LAT: variants seen among roughly 807,000 people sequenced by gnomAD.
LAT encodes linker for activation of T cells.
In LAT, 12 loss-of-function variants were observed where a neutral mutation model predicts 39.1. That is an observed-to-expected ratio of 0.31 (90% CI 0.20 to 0.50). LAT has a LOEUF of 0.50. Among genes scored for constraint, LAT ranks in the 20% least tolerant of loss-of-function variants. The pLI is 0.98. For missense variants in LAT, 253 were observed against 308.0 expected (o/e 0.82, Z 1.34); for synonymous variants, 117 against 123.8 (o/e 0.95, Z 0.36).
Position 28,985,306 on chromosome 16 carries a change from ACCTGCCCCCTGCTCCCTGCCGGGT to A in LAT, c.-109_-86del. On this transcript the variant is annotated 5_prime_UTR_variant, in exon 1 of 12. Transcript: ENST00000395456. This position sits in a 1 kb window ranked among gnomAD's most constrained non-coding sequence, Gnocchi z 4.6. ...CGGGCTCCCCTGCCACCTGGTGCCT[ACCTGCCCCCTGCTCCCTGCCGGGT>A]CCGGTCCTCACCCCATCTTCATCTG... is the stretch of plus-strand genomic sequence containing the variant. The A allele has an allele frequency of 6.6e-7, 1 of 1,516,750 alleles. No individual in the cohort carries two copies. Among genetic ancestry groups the A allele is most frequent in the Non-Finnish European group, 8.8e-7 (1 of 1,131,314 alleles). The allele number at this position is 1,516,750 out of a possible 1,614,324, so 94.0% of individuals were successfully genotyped here.
Position 28,986,530 on chromosome 16 carries a change from C to G in LAT, c.311-10C>G, listed in dbSNP as rs974059111. ...GCTGACTTAGTCTCCCTCTCACCCT[C>G]TCTTTGAAGCCAACAGTGTGGCGAG... On this transcript the variant is annotated splice_polypyrimidine_tract_variant and intron_variant, in intron 5 of 11. Coordinates refer to ENST00000395456, the MANE Select transcript of LAT (RefSeq NM_001014987.2). This position sits in a 1 kb window ranked among gnomAD's most constrained non-coding sequence, Gnocchi z 5.7. 1.2e-6 allele frequency: 2 copies of G among 1,609,990 alleles called. No individual in the cohort carries two copies. The highest frequency in any genetic ancestry group is 1.1e-5 in the South Asian group (1 of 90,896).
chr16:28,985,700 C>T lies in LAT; in HGVS notation c.101-13C>T, dbSNP rs1179254525. On this transcript the variant is annotated splice_polypyrimidine_tract_variant and intron_variant, in intron 1 of 11. Coordinates refer to ENST00000395456, the MANE Select transcript of LAT (RefSeq NM_001014987.2). This position sits in a 1 kb window ranked among gnomAD's most constrained non-coding sequence, Gnocchi z 4.6. Reference sequence around the variant, plus strand: ...ACCCCCTGTTCCTGCCTCACCAGCCCTCTCTTTCCCAGGCTCCTACGACAG... The same window carrying T: ...ACCCCCTGTTCCTGCCTCACCAGCCTTCTCTTTCCCAGGCTCCTACGACAG... 6.2e-7 allele frequency: 1 copy of T among 1,613,820 alleles called. No homozygotes were observed. The highest frequency in any genetic ancestry group is 8.5e-7 in the Non-Finnish European group (1 of 1,179,914).
chr16:28,985,590 GTGTC>G lies in LAT; in HGVS notation c.100+78_100+81del. 1 of 1,602,070 alleles carries G rather than the reference GTGTC, an allele frequency of 6.2e-7. No individual in the cohort carries two copies. Among genetic ancestry groups the G allele is most frequent in the South Asian group, 1.1e-5 (1 of 90,520 alleles). On this transcript the variant is annotated intron_variant, in intron 1 of 11. Transcript: ENST00000395456. This position sits in a 1 kb window ranked among gnomAD's most constrained non-coding sequence, Gnocchi z 4.6. ...GGATCCTCATCCACTCCCAGCCCCT[GTGTC>G]TGTCCTGGCTCTGTCCCTGCCTCCG...
chr16:28,985,067 A>G lies in LAT; in HGVS notation c.-351A>G. 1 of 1,422,018 alleles carries G rather than the reference A, an allele frequency of 7.0e-7. No homozygotes were observed. The highest frequency in any genetic ancestry group is 9.2e-7 in the Non-Finnish European group (1 of 1,091,502). The allele number at this position is 1,422,018 out of a possible 1,614,324, so 88.1% of individuals were successfully genotyped here. A position where few individuals can be genotyped will look rare whatever the true frequency, so the allele number is the denominator to read the frequency against. Reference sequence around the variant, plus strand: ...GGCGCTCACCACAGCTTCCTGCCGCAGGCGGGCGGGAGGGCGGGCACGGAG... The same window carrying G: ...GGCGCTCACCACAGCTTCCTGCCGCGGGCGGGCGGGAGGGCGGGCACGGAG... On this transcript the variant is annotated 5_prime_UTR_variant, in exon 1 of 12. Coordinates refer to ENST00000395456, the MANE Select transcript of LAT (RefSeq NM_001014987.2). The surrounding 1 kb of genome is among the most constrained non-coding windows in gnomAD (Gnocchi z 4.6).
chr16:28,989,394 G>T, intron 8 of LAT, 133 bp from the exon 9 acceptor site: 2 of 717,862 alleles, frequency 2.8e-6, no homozygotes, highest in Non-Finnish European at 4.8e-6. Flanking sequence ...TGGGGCTAAT[G>T]GGGGTGGCTG....
In LAT at chr16:28,986,636, C is replaced by T. The variant is rs749776309; in HGVS notation, c.341-21C>T. On this transcript the variant is annotated intron_variant, in intron 6 of 11. Coordinates refer to ENST00000395456, the MANE Select transcript of LAT (RefSeq NM_001014987.2). The surrounding 1 kb of genome is among the most constrained non-coding windows in gnomAD (Gnocchi z 5.7). ...TGGGGTCCGTCCTGGACTAGGCTGA[C>T]CCCTGTGTCGTTACCCCCAGAACCA... 1.1e-4 allele frequency: 184 copies of T among 1,613,910 alleles called. No individual in the cohort carries two copies. The highest frequency in any genetic ancestry group is 1.6e-4 in the Non-Finnish European group (183 of 1,179,980).
At chr16:28,984,804 T>C, upstream of LAT, 1 of 1,499,028 alleles carries the variant, frequency 6.7e-7, no homozygotes, top group Non-Finnish European at 9.1e-7. Context: ...CTGCCCTTTG[T>C]ACCCCAGAAT....
At chr16:28,987,195 C>A (rs1965779733) in intron 8 of LAT, among the ~76,000 whole-genome samples, 1 of 152,242 alleles carries the variant, frequency 6.6e-6, no homozygotes, top group Non-Finnish European at 1.5e-5. Context: ...TAGGCGTGAG[C>A]CACCATGCCC....
In LAT at chr16:28,986,792, C is replaced by T; in HGVS notation, c.399-7C>T. 1 of 1,613,610 alleles carries T rather than the reference C, an allele frequency of 6.2e-7. No individual in the cohort carries two copies. Among genetic ancestry groups the T allele is most frequent in the East Asian group, 2.2e-5 (1 of 44,876 alleles). ...CTTGCTCACCGGCCCTTTTCACTTC[C>T]TTTCAGGGTGGTGCTTCCTGACAGC... On this transcript the variant is annotated splice_region_variant and splice_polypyrimidine_tract_variant and intron_variant, in intron 7 of 11. Transcript: ENST00000395456. This position sits in a 1 kb window ranked among gnomAD's most constrained non-coding sequence, Gnocchi z 5.7.
intron 8 of LAT, among the ~76,000 whole-genome samples, chr16:28,987,257 G>T (rs895198466): frequency 6.6e-6 from 1 of 152,056 alleles, no homozygotes; most frequent in Non-Finnish European, 1.5e-5. Context: ...TCCTATCTCT[G>T]TGTCCTTTCC....
At position 28,985,483 on chromosome 16, in the gene LAT, G is replaced by C; in HGVS notation, c.66G>C (p.Leu22Phe). 1 of 1,613,832 alleles carries C rather than the reference G, an allele frequency of 6.2e-7. No homozygotes were observed. Among genetic ancestry groups the C allele is most frequent in the East Asian group, 2.2e-5 (1 of 44,862 alleles). ...TGCTGCTGCCCATCCTGGCCATGTT[G>C]ATGGCACTGTGTGTGCACTGCCACA... ...GLLLLPILAM[L>F]MALCVHCHRL... The change falls in exon 1 of 12, where the codon TTG becomes TTC. Residue 22 changes from leucine to phenylalanine, a missense_variant. By Grantham distance (22) the Leu-to-Phe change is conservative. Coordinates refer to ENST00000395456, the MANE Select transcript of LAT (RefSeq NM_001014987.2). The surrounding 1 kb of genome is among the most constrained non-coding windows in gnomAD (Gnocchi z 4.6).
In LAT at chr16:28,986,872, A is replaced by G. The variant is rs143360117; in HGVS notation, c.472A>G (p.Ile158Val). The G allele has an allele frequency of 6.2e-6, 10 of 1,613,958 alleles. No homozygotes were observed. Among genetic ancestry groups the G allele is most frequent in the African/African-American group, 1.3e-5 (1 of 74,912 alleles). ...AGCTCCTGCACTCAGCACCCCTGGC[A>G]TCCGAGACAGTGCCTTCTCCAGTGA... ...PSAPALSTPG[I>V]RDSAFSMESI... Residue 158 changes from isoleucine (I) to valine (V), a missense_variant, in exon 8 of 12, where the codon ATC becomes GTC. Transcript: ENST00000395456. This position sits in a 1 kb window ranked among gnomAD's most constrained non-coding sequence, Gnocchi z 5.7.
chr16:28,987,400 G>A (rs529970689), intron 8 of LAT, among the ~76,000 whole-genome samples: 5 of 152,092 alleles, frequency 3.3e-5, no homozygotes, highest in Non-Finnish European at 5.9e-5. Flanking sequence ...TTTCATGGAT[G>A]AAACATCTCT....
chr16:28,984,874 G>T (rs980098311), upstream of LAT: 4 of 1,549,762 alleles, frequency 2.6e-6, no homozygotes, highest in African/African-American at 5.5e-5. Flanking sequence ...GGAGGCCACG[G>T]CTGCCAGCTG....
intron 9 of LAT, 58 bp from the exon 10 acceptor site, chr16:28,989,714 GCT>G (rs1358009598): frequency 1.3e-6 from 2 of 1,599,406 alleles, no homozygotes; most frequent in African/African-American, 1.3e-5. Context: ...GCGTCCCCTT[GCT>G]CTCTCGCCCT....
chr16:28,989,488 TC>T, intron 8 of LAT, 38 bp from the exon 9 acceptor site: 1 of 1,553,500 alleles, frequency 6.4e-7, no homozygotes, highest in South Asian at 1.2e-5. Context: ...GCCAAGGGTC[TC>T]TGGTCACAGT....
rs1394286084 is a variant in LAT at position 28,990,036 on chromosome 16, G to T, written c.*7+17G>T. 1 of 1,597,088 alleles carries T rather than the reference G, an allele frequency of 6.3e-7. No homozygotes were observed. ...GAGGGCCTGGTGAGAGGCCTGCCCT[G>T]TCCCCACCCTGCCCTGGGCCCACAG... On this transcript the variant is annotated intron_variant, in intron 11 of 11. Coordinates refer to ENST00000395456, the MANE Select transcript of LAT (RefSeq NM_001014987.2).
rs540815534 is a variant in LAT, at chr16:28,986,405, G to C, written c.269G>C (p.Gly90Ala). The change falls in exon 5 of 12, where the codon GGC becomes GCC. Residue 90 changes from glycine to alanine, a missense_variant. Gly to Ala is a moderately conservative substitution (Grantham distance 60). Coordinates refer to ENST00000395456, the MANE Select transcript of LAT (RefSeq NM_001014987.2). This position sits in a 1 kb window ranked among gnomAD's most constrained non-coding sequence, Gnocchi z 5.7. ...PIPRSPQPLG[G>A]SHRTPSSRRD... is the part of the protein sequence containing the mutation. ...AGAAGATCCCCGCAGCCCCTTGGGG[G>C]CTCCCACCGGACGCCATCTTCCCGG... The C allele has an allele frequency of 1.2e-6, 2 of 1,613,822 alleles. No homozygotes were observed. Among genetic ancestry groups the C allele is most frequent in the African/African-American group, 1.3e-5 (1 of 75,054 alleles).
chr16:28,989,934 C>T lies in LAT; in HGVS notation c.624C>T (p.Ala208=), dbSNP rs773312505. Reference sequence around the variant, plus strand: ...AGACCAACCTCCCCTCCCTTACAGCCGCCCTGAGTTCCCAGGAGGCAGAGG... The same window carrying T: ...AGACCAACCTCCCCTCCCTTACAGCTGCCCTGAGTTCCCAGGAGGCAGAGG... ...LHPGAAKTEP[A]ALSSQEAEEV... Residue 208 remains alanine, a splice_region_variant and synonymous_variant, in exon 11 of 12, where the codon GCC becomes GCT. Coordinates refer to ENST00000395456, the MANE Select transcript of LAT (RefSeq NM_001014987.2). 13 of 1,613,864 alleles carry T rather than the reference C, an allele frequency of 8.1e-6. 1 individual carries two copies. The Admixed American group carries it at 1.0e-4, about 12-fold the overall frequency.
Sources: gnomAD v4.1 joint callset for allele counts (sites outside exome capture counted in the v4.1 genomes callset) on GRCh38, gnomAD v4.1.1 for gene constraint, Gnocchi (gnomAD v3.1) non-coding constraint, MANE v1.5 for transcripts, NCBI Gene and HGNC (gene_info 2026-07-23, HGNC 2026-07-21) for gene names.